The following PTPRT variants were observed in gnomAD, a reference collection of about 807,000 sequenced individuals.
PTPRT encodes protein tyrosine phosphatase receptor type T.
A neutral mutation model predicts 176.8 loss-of-function variants in PTPRT; 56 were observed. That is an observed-to-expected ratio of 0.32 (90% CI 0.26 to 0.40). The LOEUF is 0.40. PTPRT is among the 10% of genes least tolerant of loss of function. The pLI is 1.00. For missense variants in PTPRT, 1,540 were observed against 1,908.2 expected (o/e 0.81, Z 3.60); for synonymous variants, 783 against 739.0 (o/e 1.06, Z -0.96).
At chr20:42,049,521 A>G in the PTPRT span, among the ~76,000 whole-genome samples, 1,173 of 152,338 alleles carry the variant, frequency 7.7e-3, 18 homozygotes, top group African/African-American at 0.027. Context: ...ACTCCTATAA[A>G]ATGCAACTTT....
chr20:42,323,360 C>G (rs62208722), intron 11 of PTPRT, among the ~76,000 whole-genome samples: 12,160 of 152,114 alleles, frequency 0.08, 636 homozygotes, highest in East Asian at 0.24. Context: ...GGAACCAACC[C>G]AAATGTCCAA....
intron 1 of PTPRT, among the ~76,000 whole-genome samples, chr20:42,922,562 C>T (rs1315773104): frequency 6.6e-6 from 1 of 152,236 alleles, no homozygotes; most frequent in Non-Finnish European, 1.5e-5. Context: ...TCTCAATCTT[C>T]CCTTGCTTGG....
At chr20:42,761,561 G>T (rs1435639649) in intron 5 of PTPRT, among the ~76,000 whole-genome samples, 1 of 152,180 alleles carries the variant, frequency 6.6e-6, no homozygotes, top group Non-Finnish European at 1.5e-5. Context: ...AACCTTCCTG[G>T]GGATTCCAAT....
At chr20:43,020,092 A>ATGTGTGTG (rs143435604) in intron 1 of PTPRT, among the ~76,000 whole-genome samples, 1 of 141,462 alleles carries the variant, frequency 7.1e-6, no homozygotes. Context: ...GTGAGTGTGT[A>ATGTGTGTG]TGTGTGTGTG....
In PTPRT at chr20:43,189,414, G is replaced by T. The variant is rs1222687355; in HGVS notation, c.88+232C>A. Among the ~76,000 whole-genome samples, 1 of 152,166 alleles carries T rather than the reference G, an allele frequency of 6.6e-6. No homozygotes were observed. Among genetic ancestry groups the T allele is most frequent in the African/African-American group, 2.4e-5 (1 of 41,456 alleles). On this transcript the variant is annotated intron_variant, in intron 1 of 30. Transcript: ENST00000373187. This position sits in a 1 kb window ranked among gnomAD's most constrained non-coding sequence, Gnocchi z 5.0. ...GGGGGGCCGGCAGGAAACTGAAGCG[G>T]GGAACTTCGCCAAACGCGGGCTGCC...
At chr20:42,498,391 T>C (rs1002232435) in intron 7 of PTPRT, among the ~76,000 whole-genome samples, 1 of 151,958 alleles carries the variant, frequency 6.6e-6, no homozygotes, top group East Asian at 1.9e-4. Flanking sequence ...AAAATAGAGA[T>C]CTTAAGGACT....
chr20:42,479,457 T>C (rs898525303), intron 7 of PTPRT, among the ~76,000 whole-genome samples: 1 of 152,202 alleles, frequency 6.6e-6, no homozygotes, highest in African/African-American at 2.4e-5. Context: ...TGTTGACAGA[T>C]AGTTCGATGT....
chr20:42,802,132 G>A (rs1468632435), intron 2 of PTPRT, among the ~76,000 whole-genome samples: 1 of 152,208 alleles, frequency 6.6e-6, no homozygotes, highest in East Asian at 1.9e-4. Flanking sequence ...ATACCCAGTA[G>A]ATTTGGGGTG....
chr20:42,073,585 G>T lies in PTPRT; in HGVS notation c.*7294C>A, dbSNP rs1982495651. ...TGTTGGTCAGTGGGTCTGAGTTATG[G>T]CTGCTCTCATGAGAGATCTACATGG... On this transcript the variant is annotated 3_prime_UTR_variant, in exon 31 of 31. Coordinates refer to ENST00000373187, the MANE Select transcript of PTPRT (RefSeq NM_007050.6). 4.6e-6 allele frequency: 1 copy of T among 219,052 alleles called. No homozygotes were observed. Among genetic ancestry groups the T allele is most frequent in the East Asian group, 6.7e-5 (1 of 14,928 alleles). The allele number at this position is 219,052 out of a possible 1,614,324, so 13.6% of individuals were successfully genotyped here.
chr20:43,034,294 G>A (rs534483794), intron 1 of PTPRT, among the ~76,000 whole-genome samples: 1 of 152,264 alleles, frequency 6.6e-6, no homozygotes, highest in Admixed American at 6.5e-5. Flanking sequence ...AGGAAAGAGG[G>A]AAACCCCCTC....
chr20:42,240,150 C>T (rs1161209657), intron 14 of PTPRT, among the ~76,000 whole-genome samples: 1 of 152,208 alleles, frequency 6.6e-6, no homozygotes, highest in East Asian at 1.9e-4. Flanking sequence ...CTGAGTTATC[C>T]TGGGTGTCAC....
intron 9 of PTPRT, among the ~76,000 whole-genome samples, chr20:42,401,501 A>C (rs1049191114): frequency 1.3e-5 from 2 of 152,118 alleles, no homozygotes; most frequent in African/African-American, 4.8e-5. Context: ...ATTATTTTTT[A>C]ATCAGCACTT....
chr20:42,195,309 A>G (rs1452034279), intron 16 of PTPRT, among the ~76,000 whole-genome samples: 1 of 152,162 alleles, frequency 6.6e-6, no homozygotes, highest in Non-Finnish European at 1.5e-5. Flanking sequence ...TCTGTGCCCT[A>G]CCTCTCAATG....
chr20:42,332,760 TC>T (rs937315693), intron 11 of PTPRT, among the ~76,000 whole-genome samples: 5 of 152,240 alleles, frequency 3.3e-5, no homozygotes, highest in African/African-American at 1.2e-4. Context: ...AAAACTTGTA[TC>T]TGCCACTGTG....
chr20:43,187,986 C>T (rs779701911), intron 1 of PTPRT, among the ~76,000 whole-genome samples: 3 of 152,204 alleles, frequency 2.0e-5, no homozygotes, highest in Non-Finnish European at 2.9e-5. Flanking sequence ...CGAGCCGGTA[C>T]GGGTTTTACC....
chr20:42,439,556 C>T (rs1372338905), intron 9 of PTPRT, among the ~76,000 whole-genome samples: 3 of 152,074 alleles, frequency 2.0e-5, no homozygotes, highest in Non-Finnish European at 4.4e-5. Flanking sequence ...TTGGCTGTAG[C>T]GTAACATCAG....
intron 16 of PTPRT, among the ~76,000 whole-genome samples, chr20:42,173,462 C>A: frequency 6.6e-6 from 1 of 152,224 alleles, no homozygotes; most frequent in South Asian, 2.1e-4. Flanking sequence ...AAGGGTTTCA[C>A]TATTTTTTAA....
rs542849879 is a variant in PTPRT at position 42,513,375 on chromosome 20, T to C, written c.1154-40813A>G. ...TTTTCAGTTTATTCTGTTGAAAAAA[T>C]TCTAATTTATTGAGTTAACTTCTTA... On this transcript the variant is annotated intron_variant, in intron 7 of 30. Transcript: ENST00000373187. Among the ~76,000 whole-genome samples, 10 of 152,188 alleles carry C rather than the reference T, an allele frequency of 6.6e-5. No homozygotes were observed. In the East Asian group the frequency reaches 1.7e-3, roughly 26 times the overall value.
At chr20:42,845,750 G>C (rs540879659) in intron 2 of PTPRT, among the ~76,000 whole-genome samples, 2 of 152,288 alleles carry the variant, frequency 1.3e-5, no homozygotes, top group South Asian at 4.1e-4. Flanking sequence ...GGAGCACTTG[G>C]TTAAGGGCAA....
Sources: gnomAD v4.1 joint callset for allele counts (sites outside exome capture counted in the v4.1 genomes callset) on GRCh38, gnomAD v4.1.1 for gene constraint, Gnocchi (gnomAD v3.1) non-coding constraint, MANE v1.5 for transcripts, NCBI Gene and HGNC (gene_info 2026-07-23, HGNC 2026-07-21) for gene names.